The following TBC1D5 variants were observed in gnomAD, a reference collection of about 807,000 sequenced individuals.
The protein encoded by TBC1D5 is TBC1 domain family, member 5.
Under a neutral mutation model 100.3 loss-of-function variants are expected in TBC1D5, and 75 were observed. The ratio of observed to expected loss-of-function variants is 0.75; its 90% confidence interval spans 0.62 to 0.91. TBC1D5 has a LOEUF of 0.91. TBC1D5 is among the 40% of genes least tolerant of loss of function. The probability of loss-of-function intolerance (pLI) is 0.00; values close to 1 mark genes in which losing one functional copy is unlikely to be tolerated. For synonymous variants in TBC1D5, 323 were observed against 325.6 expected, an observed-to-expected ratio of 0.99 and a Z score of 0.09; for missense variants, 910 against 942.4, an observed-to-expected ratio of 0.97 and a Z score of 0.45.
intron 1 of TBC1D5, among the ~76,000 whole-genome samples, chr3:17,673,622 T>C (rs1405486455): frequency 1.3e-5 from 2 of 152,036 alleles, no homozygotes; most frequent in Admixed American, 6.6e-5. Context: ...GCCTATACTT[T>C]CTAAAATTTT....
intron 2 of TBC1D5, among the ~76,000 whole-genome samples, chr3:17,566,985 A>G (rs759498067): frequency 6.6e-6 from 1 of 151,738 alleles, no homozygotes; most frequent in Non-Finnish European, 1.5e-5. Context: ...CCATCTTATT[A>G]TTTTCCTATC....
intron 17 of TBC1D5, among the ~76,000 whole-genome samples, chr3:17,237,806 C>T (rs1304009110): frequency 5.3e-5 from 8 of 152,124 alleles, no homozygotes; most frequent in African/African-American, 9.7e-5. Flanking sequence ...CCCATGGTAC[C>T]GGAACTTCTC....
rs926379949 is a variant in TBC1D5, at chr3:17,260,952, T to C, written c.1246-2361A>G. On this transcript the variant is annotated intron_variant, in intron 15 of 21. Transcript: ENST00000253692. ...AAATCCAGTGTGTATTTTATACTTA[T>C]GGCACATCTCAATTTGGACTAGCCA... 6.6e-5 allele frequency among the ~76,000 whole-genome samples: 10 copies of C among 152,364 alleles called. No individual in the cohort carries two copies. The South Asian group carries it at 1.9e-3, about 28-fold the overall frequency.
chr3:17,565,641 TATATG>T (rs1459509006), intron 2 of TBC1D5, among the ~76,000 whole-genome samples: 3 of 152,090 alleles, frequency 2.0e-5, no homozygotes, highest in Non-Finnish European at 4.4e-5. Context: ...ACAACCAATG[TATATG>T]ATATTTCGCA....
intron 17 of TBC1D5, among the ~76,000 whole-genome samples, chr3:17,217,908 T>C (rs1410794740): frequency 6.6e-6 from 1 of 152,096 alleles, no homozygotes; most frequent in Non-Finnish European, 1.5e-5. Context: ...CTTGTGCTCA[T>C]AGTGTCATAT....
Position 17,684,395 on chromosome 3 carries a change from A to G in TBC1D5, c.-101+54948T>C, listed in dbSNP as rs144196454. Among the ~76,000 whole-genome samples the G allele has an allele frequency of 7.3e-3, 1,112 of 152,246 alleles. 15 individuals carry two copies. The highest frequency in any genetic ancestry group is 0.026 in the African/African-American group (1,079 of 41,568). ...AAACCTGTCTACAGAGGCCATTTTC[A>G]CTATATTTCAGTAGCATCTCAACTT... On this transcript the variant is annotated intron_variant, in intron 1 of 21. Coordinates refer to ENST00000253692, the Ensembl canonical transcript of TBC1D5.
At chr3:17,558,832 T>A (rs578243572) in intron 2 of TBC1D5, among the ~76,000 whole-genome samples, 1 of 152,146 alleles carries the variant, frequency 6.6e-6, no homozygotes, top group Non-Finnish European at 1.5e-5. Flanking sequence ...AGTCAAGAAA[T>A]AGCATTCCTA....
chr3:17,585,974 G>C (rs1420537776), intron 2 of TBC1D5, among the ~76,000 whole-genome samples: 1 of 152,072 alleles, frequency 6.6e-6, no homozygotes, highest in Non-Finnish European at 1.5e-5. Context: ...GGGGAGTGGG[G>C]AGTGGAGAAA....
At chr3:17,709,483 C>G (rs2074500509) in intron 1 of TBC1D5, among the ~76,000 whole-genome samples, 1 of 152,186 alleles carries the variant, frequency 6.6e-6, no homozygotes, top group African/African-American at 2.4e-5. Context: ...TAAAAATTAA[C>G]TGCAATTCCT....
chr3:17,725,763 G>A (rs1054905925), intron 1 of TBC1D5, among the ~76,000 whole-genome samples: 1 of 152,170 alleles, frequency 6.6e-6, no homozygotes, highest in African/African-American at 2.4e-5. Flanking sequence ...TGTCATATAC[G>A]TAAACTGCAT....
At chr3:17,563,447 G>C (rs577544218) in intron 2 of TBC1D5, among the ~76,000 whole-genome samples, 1 of 152,156 alleles carries the variant, frequency 6.6e-6, no homozygotes, top group East Asian at 1.9e-4. Context: ...AATGAATCAG[G>C]AAAATCAGGA....
chr3:17,640,595 G>T (rs978960907), intron 1 of TBC1D5, among the ~76,000 whole-genome samples: 3 of 151,946 alleles, frequency 2.0e-5, no homozygotes, highest in Non-Finnish European at 4.4e-5. Flanking sequence ...AACTAATTTA[G>T]TCATTATACC....
intron 1 of TBC1D5, among the ~76,000 whole-genome samples, chr3:17,726,736 T>A (rs955534187): frequency 6.6e-6 from 1 of 152,256 alleles, no homozygotes; most frequent in Non-Finnish European, 1.5e-5. Context: ...CTTTTTAATA[T>A]ATTTTATCCT....
chr3:17,214,467 C>A, intron 17 of TBC1D5, 97 bp from the exon 19 acceptor site: 2 of 1,272,978 alleles, frequency 1.6e-6, no homozygotes, highest in Non-Finnish European at 1.1e-6. Flanking sequence ...ATTATGATGC[C>A]ACTAGGTTGA....
In TBC1D5 at chr3:17,508,464, C is replaced by A; in HGVS notation, c.97+10G>T. 6.2e-7 allele frequency: 1 copy of A among 1,609,254 alleles called. No individual in the cohort carries two copies. ...ACTACCTACAAATAGTATTGGCATACAAAACTCACCTCCAGACTTGTTAGA... is the reference window on the plus strand; with the variant it reads ...ACTACCTACAAATAGTATTGGCATAAAAAACTCACCTCCAGACTTGTTAGA... On this transcript the variant is annotated intron_variant, in intron 3 of 21. Transcript: ENST00000253692.
chr3:17,669,435 C>G (rs7631803), intron 1 of TBC1D5, among the ~76,000 whole-genome samples: 3,989 of 152,102 alleles, frequency 0.026, 165 homozygotes, highest in African/African-American at 0.09. Context: ...GTACAAAATA[C>G]AAAATTAAAT....
chr3:17,184,433 A>G (rs1029957484), intron 19 of TBC1D5: 8 of 152,228 alleles, frequency 5.3e-5, no homozygotes, highest in East Asian at 1.9e-4. Flanking sequence ...TGAAAACTCA[A>G]TATTTCATTT....
intron 15 of TBC1D5, among the ~76,000 whole-genome samples, chr3:17,263,590 G>GC (rs1415579468): frequency 6.6e-6 from 1 of 152,044 alleles, no homozygotes; most frequent in Non-Finnish European, 1.5e-5. Flanking sequence ...TCTATTTACA[G>GC]CTTTTTCTTC....
chr3:17,657,557 G>C (rs1258550106), intron 1 of TBC1D5, among the ~76,000 whole-genome samples: 1 of 151,882 alleles, frequency 6.6e-6, no homozygotes, highest in Non-Finnish European at 1.5e-5. Context: ...GGATGGTCTC[G>C]ATCTGCTGAC....
Sources: allele counts gnomAD v4.1 joint callset (sites outside exome capture counted in the v4.1 genomes callset), GRCh38; gene constraint gnomAD v4.1.1; transcripts MANE v1.5; gene names NCBI Gene and HGNC (gene_info 2026-07-23, HGNC 2026-07-21).